The following AZIN2 variants were observed in gnomAD, a reference collection of about 807,000 sequenced individuals.
AZIN2 encodes the protein ODC antizyme inhibitor-2.
AZIN2 carries 28 observed loss-of-function variants against 47.8 expected under a neutral mutation model. That is an observed-to-expected ratio of 0.59 (90% CI 0.43 to 0.80). The LOEUF is 0.80. Ranked by LOEUF, AZIN2 falls within the 30% of genes least tolerant of loss-of-function variation. The probability of loss-of-function intolerance (pLI) is 0.00; values close to 1 mark genes in which losing one functional copy is unlikely to be tolerated. For missense variants in AZIN2, 535 were observed against 582.5 expected, an observed-to-expected ratio of 0.92 and a Z score of 0.84; for synonymous variants, 221 against 239.4, an observed-to-expected ratio of 0.92 and a Z score of 0.71.
the AZIN2 span, among the ~76,000 whole-genome samples, chr1:33,152,289 G>A: frequency 6.6e-6 from 1 of 152,218 alleles, no homozygotes; most frequent in African/African-American, 2.4e-5. Flanking sequence ...GGGGAGGCTG[G>A]GCTTGGTGGC....
intron 10 of AZIN2, among the ~76,000 whole-genome samples, chr1:33,116,735 G>C (rs1172212331): frequency 6.6e-6 from 1 of 152,306 alleles, no homozygotes; most frequent in East Asian, 1.9e-4. Context: ...AGGGAGCATG[G>C]AGCTTTAGGA....
rs1229497509 is a variant in AZIN2 at position 33,097,643 on chromosome 1, T to C, written c.917-424T>C. 3.9e-5 allele frequency among the ~76,000 whole-genome samples: 6 copies of C among 152,202 alleles called. No homozygotes were observed. The South Asian group carries it at 6.2e-4, about 16-fold the overall frequency. Reference sequence around the variant, plus strand: ...GAATGTCCTGTGTTCGTGTGTGGCATTCTTCTGGCTTCCTTTATAGACCTG... The same window carrying C: ...GAATGTCCTGTGTTCGTGTGTGGCACTCTTCTGGCTTCCTTTATAGACCTG... On this transcript the variant is annotated intron_variant, in intron 9 of 11. Transcript: ENST00000294517.
At chr1:33,114,505 C>T (rs1477457447) in intron 10 of AZIN2, among the ~76,000 whole-genome samples, 1 of 151,688 alleles carries the variant, frequency 6.6e-6, no homozygotes. Flanking sequence ...AGGCGCCCGC[C>T]ACCATGCCCG....
At chr1:33,142,058 A>G in the AZIN2 span, 1 of 152,282 alleles carries the variant, frequency 6.6e-6, no homozygotes, top group African/African-American at 2.4e-5. Context: ...AGGGGAAATA[A>G]CCGTGTCCTG....
At chr1:33,135,808 A>G in the AZIN2 span, among the ~76,000 whole-genome samples, 6 of 152,206 alleles carry the variant, frequency 3.9e-5, no homozygotes, top group South Asian at 2.1e-4. Flanking sequence ...GCTCTTTGAT[A>G]TAGACCTGGG....
intron 10 of AZIN2, among the ~76,000 whole-genome samples, chr1:33,117,256 G>A (rs1644588014): frequency 6.6e-6 from 1 of 152,122 alleles, no homozygotes; most frequent in South Asian, 2.1e-4. Context: ...ATTAGACTGA[G>A]GGCCTGAGGG....
chr1:33,157,357 G>A, the AZIN2 span, among the ~76,000 whole-genome samples: 2 of 152,088 alleles, frequency 1.3e-5, no homozygotes, highest in Non-Finnish European at 2.9e-5. Context: ...CATGCCAGGA[G>A]CACTCTTCCT....
the AZIN2 span, among the ~76,000 whole-genome samples, chr1:33,143,780 T>C: frequency 6.6e-6 from 1 of 152,214 alleles, no homozygotes; most frequent in South Asian, 2.1e-4. Flanking sequence ...CCAGGGGTGC[T>C]GTACTCCCTT....
intron 5 of AZIN2, among the ~76,000 whole-genome samples, chr1:33,090,371 CATT>C (rs1386666745): frequency 2.6e-5 from 4 of 152,188 alleles, no homozygotes; most frequent in African/African-American, 4.8e-5. Context: ...TTGTTCATAT[CATT>C]AATGCAGCAA....
intron 10 of AZIN2, among the ~76,000 whole-genome samples, chr1:33,116,214 A>C (rs1322869308): frequency 6.6e-6 from 1 of 152,220 alleles, no homozygotes; most frequent in South Asian, 2.1e-4. Context: ...TGTTGAATGA[A>C]TGAATTCCTG....
At chr1:33,133,370 A>G in the AZIN2 span, among the ~76,000 whole-genome samples, 1 of 152,222 alleles carries the variant, frequency 6.6e-6, no homozygotes, top group Non-Finnish European at 1.5e-5. Context: ...CAGATCTGAT[A>G]GGGCCTTTCC....
rs756014950 is a variant in AZIN2 at position 33,098,134 on chromosome 1, C to T, written c.984C>T (p.Asn328=). Residue 328 remains asparagine (N), a synonymous_variant, in exon 10 of 12, where the codon AAC becomes AAT. Transcript: ENST00000294517. The part of the protein sequence containing the change: ...HLDEGVYGIF[N]SVLFDNICPT... ...ATGAGGGCGTGTATGGGATCTTCAACTCAGTCCTGTTTGACAACATCTGCC... is the reference window on the plus strand; with the variant it reads ...ATGAGGGCGTGTATGGGATCTTCAATTCAGTCCTGTTTGACAACATCTGCC... The T allele has an allele frequency of 1.2e-6, 2 of 1,613,974 alleles. No individual in the cohort carries two copies. The highest frequency in any genetic ancestry group is 2.2e-5 in the East Asian group (1 of 44,888).
chr1:33,101,124 A>G (rs1643651754), intron 10 of AZIN2, among the ~76,000 whole-genome samples: 1 of 152,060 alleles, frequency 6.6e-6, no homozygotes, highest in African/African-American at 2.4e-5. Context: ...GGCCTCCCAA[A>G]GTGCTGGGAT....
chr1:33,146,908 C>G, the AZIN2 span: 1 of 486,922 alleles, frequency 2.1e-6, no homozygotes, highest in Non-Finnish European at 3.7e-6. Flanking sequence ...GAGGGTTGGG[C>G]AGGGGTTGCC....
In AZIN2 at chr1:33,093,385, A is replaced by G; in HGVS notation, c.556A>G (p.Lys186Glu). ...KSCRHLLENA[K>E]KHHVEVVGVS... is the part of the protein sequence containing the mutation. ...CTGCAGACACCTGCTTGAAAATGCG[A>G]AGAAGCACCATGTGGAGGTGGTGGG... Residue 186 changes from lysine (K) to glutamate (E), a missense_variant, in exon 7 of 12, where the codon AAG (lysine) becomes GAG (glutamate). By Grantham distance (56) the Lys-to-Glu change is moderately conservative. Coordinates refer to ENST00000294517, the MANE Select transcript of AZIN2 (RefSeq NM_052998.4). 1 of 1,613,996 alleles carries G rather than the reference A, an allele frequency of 6.2e-7. No individual in the cohort carries two copies. The highest frequency in any genetic ancestry group is 1.1e-5 in the South Asian group (1 of 91,078).
chr1:33,108,205 G>A (rs1381213384), intron 10 of AZIN2, among the ~76,000 whole-genome samples: 1 of 152,046 alleles, frequency 6.6e-6, no homozygotes, highest in Non-Finnish European at 1.5e-5. Context: ...TTCAACAAAC[G>A]TACCAAGGAC....
chr1:33,146,854 G>A, the AZIN2 span: 1 of 352,604 alleles, frequency 2.8e-6, no homozygotes, highest in Non-Finnish European at 5.3e-6. Flanking sequence ...TGGGCTGGAG[G>A]GAGACACTGG....
chr1:33,119,924 CT>C, intron 11 of AZIN2, 119 bp from the exon 12 acceptor site: 8 of 1,406,166 alleles, frequency 5.7e-6, no homozygotes, highest in Non-Finnish European at 7.7e-6. Context: ...GTCCCTGCCC[CT>C]GCCCTCAGCT....
the AZIN2 span, among the ~76,000 whole-genome samples, chr1:33,140,852 T>A: frequency 6.6e-6 from 1 of 152,062 alleles, no homozygotes; most frequent in Non-Finnish European, 1.5e-5. This position sits in a 1 kb window ranked among gnomAD's most constrained non-coding sequence, Gnocchi z 4.0. Flanking sequence ...GTGCCTGGGG[T>A]TGTTGGAACC....
Sources: allele counts gnomAD v4.1 joint callset (sites outside exome capture counted in the v4.1 genomes callset), GRCh38; gene constraint gnomAD v4.1.1; non-coding constraint Gnocchi (gnomAD v3.1); transcripts MANE v1.5; gene names NCBI Gene and HGNC (gene_info 2026-07-23, HGNC 2026-07-21).